The following WWOX variants were observed in gnomAD, a reference collection of about 807,000 sequenced individuals.
WWOX encodes WW domain containing oxidoreductase.
WWOX carries 69 observed loss-of-function variants against 46.2 expected under a neutral mutation model. The ratio of observed to expected loss-of-function variants is 1.49; its 90% confidence interval spans 1.23 to 1.82. WWOX has a LOEUF of 1.82. WWOX is among the 40% of genes most tolerant of loss of function. WWOX has a pLI of 0.00. For missense variants in WWOX, 919 were observed against 542.6 expected (o/e 1.69, Z -6.89); for synonymous variants, 359 against 202.6 (o/e 1.77, Z -6.56).
intron 8 of WWOX, among the ~76,000 whole-genome samples, chr16:78,718,318 T>C (rs1228810336): frequency 6.6e-6 from 1 of 151,630 alleles, no homozygotes; most frequent in Non-Finnish European, 1.5e-5. Flanking sequence ...GATACCATCA[T>C]AAAAGAATTA....
At chr16:78,146,151 T>C (rs1437891892) in intron 4 of WWOX, among the ~76,000 whole-genome samples, 1 of 152,058 alleles carries the variant, frequency 6.6e-6, no homozygotes, top group Non-Finnish European at 1.5e-5. Context: ...CTGTTTACTC[T>C]AGGAAGGAGA....
At chr16:79,111,392 C>T (rs1222251425) in intron 8 of WWOX, among the ~76,000 whole-genome samples, 1 of 152,178 alleles carries the variant, frequency 6.6e-6, no homozygotes, top group Non-Finnish European at 1.5e-5. Flanking sequence ...ATTCCTTTTT[C>T]TGGGGTCTTT....
At chr16:78,947,350 T>C (rs2045969235) in intron 8 of WWOX, among the ~76,000 whole-genome samples, 1 of 151,208 alleles carries the variant, frequency 6.6e-6, no homozygotes, top group South Asian at 2.1e-4. Context: ...TTTAAGCCCC[T>C]AGCTGCATTT....
intron 8 of WWOX, among the ~76,000 whole-genome samples, chr16:79,012,652 G>C (rs915210386): frequency 6.6e-6 from 1 of 152,216 alleles, no homozygotes; most frequent in Non-Finnish European, 1.5e-5. Context: ...ATTAACCAAT[G>C]AATGAGGGAA....
chr16:78,190,224 T>C (rs2035841767), intron 5 of WWOX, among the ~76,000 whole-genome samples: 1 of 152,168 alleles, frequency 6.6e-6, no homozygotes, highest in South Asian at 2.1e-4. Flanking sequence ...GGCAATCTCT[T>C]ATCTGAAGGC....
chr16:79,172,814 C>T (rs964304079), intron 8 of WWOX, among the ~76,000 whole-genome samples: 1 of 151,524 alleles, frequency 6.6e-6, no homozygotes, highest in Admixed American at 6.6e-5. Context: ...TCACTTGAGC[C>T]TAGAAGTTTG....
At chr16:78,944,085 T>TTTG in intron 8 of WWOX, among the ~76,000 whole-genome samples, 1 of 151,936 alleles carries the variant, frequency 6.6e-6, no homozygotes, top group Non-Finnish European at 1.5e-5. Context: ...TCCTCCTGGG[T>TTTG]TTTGTTTGTT....
intron 8 of WWOX, among the ~76,000 whole-genome samples, chr16:79,102,938 C>T (rs578055085): frequency 6.7e-6 from 1 of 149,848 alleles, no homozygotes; most frequent in Non-Finnish European, 1.5e-5. Context: ...CTCTTCCTCC[C>T]TCTCTTCCTT....
At chr16:78,336,306 C>T (rs1476259025) in intron 5 of WWOX, among the ~76,000 whole-genome samples, 1 of 141,324 alleles carries the variant, frequency 7.1e-6, no homozygotes, top group Non-Finnish European at 1.5e-5. Context: ...AACCCCATCC[C>T]TACTAAAAAT....
At chr16:78,528,960 CT>C (rs371609463) in intron 8 of WWOX, among the ~76,000 whole-genome samples, 147 of 126,560 alleles carry the variant, frequency 1.2e-3, no homozygotes, top group Admixed American at 1.2e-3. Flanking sequence ...TTCTTTCTTT[CT>C]TTTTTTTTTT....
chr16:78,789,456 C>T (rs1009241699), intron 8 of WWOX, among the ~76,000 whole-genome samples: 2 of 152,048 alleles, frequency 1.3e-5, no homozygotes, highest in African/African-American at 4.8e-5. Flanking sequence ...ATCAATTGGC[C>T]ATAAATGTAA....
In WWOX at chr16:78,813,782, C is replaced by A. The variant is rs114902260; in HGVS notation, c.1056+381030C>A. Among the ~76,000 whole-genome samples the A allele has an allele frequency of 4.4e-3, 672 of 152,234 alleles. 4 individuals carry two copies. The highest frequency in any genetic ancestry group is 0.015 in the African/African-American group (638 of 41,544). On this transcript the variant is annotated intron_variant, in intron 8 of 8. Coordinates refer to ENST00000566780, the MANE Select transcript of WWOX (RefSeq NM_016373.4). Reference sequence around the variant, plus strand: ...ATATGTCAGACCAGGATGAGTGGGGCACATACAGATTCAGCTCATTTTATT... The same window carrying A: ...ATATGTCAGACCAGGATGAGTGGGGAACATACAGATTCAGCTCATTTTATT...
chr16:79,167,103 G>C (rs1057170778), intron 8 of WWOX, among the ~76,000 whole-genome samples: 1 of 152,048 alleles, frequency 6.6e-6, no homozygotes, highest in African/African-American at 2.4e-5. Context: ...ACCACGGCCG[G>C]CTAATTTTTT....
At chr16:78,626,957 T>C (rs978744647) in intron 8 of WWOX, among the ~76,000 whole-genome samples, 1 of 152,212 alleles carries the variant, frequency 6.6e-6, no homozygotes, top group African/African-American at 2.4e-5. Flanking sequence ...TCTTGTGATG[T>C]ACACACATCA....
chr16:78,531,501 T>C (rs74029535), intron 8 of WWOX, among the ~76,000 whole-genome samples: 5,780 of 152,192 alleles, frequency 0.038, 328 homozygotes, highest in African/African-American at 0.12. Context: ...TTGCTACCAG[T>C]TCTTTTAGTT....
At chr16:79,019,565 C>G (rs2047489825) in intron 8 of WWOX, among the ~76,000 whole-genome samples, 1 of 152,100 alleles carries the variant, frequency 6.6e-6, no homozygotes, top group Non-Finnish European at 1.5e-5. Flanking sequence ...ACTATCGTCT[C>G]TTTTAGGGGA....
chr16:78,442,165 G>A (rs540330558), intron 8 of WWOX, among the ~76,000 whole-genome samples: 1 of 151,992 alleles, frequency 6.6e-6, no homozygotes, highest in South Asian at 2.1e-4. Context: ...ATATGTATTC[G>A]TGGTGTGAAA....
intron 8 of WWOX, among the ~76,000 whole-genome samples, chr16:79,058,302 A>G (rs2048301808): frequency 6.6e-6 from 1 of 152,146 alleles, no homozygotes; most frequent in Admixed American, 6.5e-5. Context: ...AGAGAAAAAA[A>G]TAATTCCTAG....
chr16:78,223,590 A>G (rs757388366), intron 5 of WWOX, among the ~76,000 whole-genome samples: 12 of 152,158 alleles, frequency 7.9e-5, no homozygotes, highest in Non-Finnish European at 1.2e-4. Flanking sequence ...GGCAGGAAAC[A>G]TGCAAAGTGC....
Sources: gnomAD v4.1 joint callset for allele counts (sites outside exome capture counted in the v4.1 genomes callset) on GRCh38, gnomAD v4.1.1 for gene constraint, MANE v1.5 for transcripts, NCBI Gene and HGNC (gene_info 2026-07-23, HGNC 2026-07-21) for gene names.